Variants in PCDH15 observed in about 807,000 individuals in gnomAD.
PCDH15 encodes the protein protocadherin-15.
In PCDH15, 129 loss-of-function variants were observed where a neutral mutation model predicts 178.5. The ratio of observed to expected loss-of-function variants is 0.72; its 90% CI spans 0.63 to 0.84. The LOEUF (loss-of-function observed/expected upper bound fraction) is 0.84, where lower values mean the gene tolerates loss of function less well. Ranked by LOEUF, PCDH15 falls within the 40% of genes least tolerant of loss-of-function variation. The pLI is 0.00. For missense variants in PCDH15, 2,230 were observed against 2,099.9 expected, an observed-to-expected ratio of 1.06 and a Z score of -1.21; for synonymous variants, 800 against 732.0, an observed-to-expected ratio of 1.09 and a Z score of -1.50.
intron 2 of PCDH15, among the ~76,000 whole-genome samples, chr10:54,919,204 T>C (rs1009389922): frequency 2.0e-5 from 3 of 152,146 alleles, no homozygotes; most frequent in Admixed American, 6.6e-5. Context: ...CCTGAACTTA[T>C]TAGCTTCAAT....
chr10:55,445,853 T>G (rs553268735), intron 2 of PCDH15, among the ~76,000 whole-genome samples: 3 of 152,110 alleles, frequency 2.0e-5, no homozygotes, highest in East Asian at 3.9e-4. Flanking sequence ...CTACCCCTCC[T>G]GTACCTTAAG....
intron 3 of PCDH15, among the ~76,000 whole-genome samples, chr10:54,479,394 T>C (rs112197997): frequency 3.6e-4 from 55 of 152,160 alleles, no homozygotes; most frequent in African/African-American, 8.7e-4. Flanking sequence ...GTGTAACATA[T>C]TGAATACGTA....
chr10:53,970,714 A>T (rs1284918128), intron 21 of PCDH15, among the ~76,000 whole-genome samples: 1 of 152,150 alleles, frequency 6.6e-6, no homozygotes, highest in Non-Finnish European at 1.5e-5. Flanking sequence ...TCCTGGACAC[A>T]TACACCCTCC....
intron 26 of PCDH15, among the ~76,000 whole-genome samples, chr10:53,877,756 C>A (rs7073786): frequency 0.96 from 146,409 of 152,150 alleles, 70,476 homozygotes; most frequent in East Asian, 1. Context: ...CATCCTCCCC[C>A]TCGGTTTAAT....
At chr10:55,331,800 T>C (rs1183630337) in intron 2 of PCDH15, among the ~76,000 whole-genome samples, 1 of 152,078 alleles carries the variant, frequency 6.6e-6, no homozygotes. Context: ...AAAAGCATTA[T>C]TAACGGGTAA....
chr10:55,093,847 A>C (rs1320981702), intron 2 of PCDH15, among the ~76,000 whole-genome samples: 1 of 152,138 alleles, frequency 6.6e-6, no homozygotes, highest in African/African-American at 2.4e-5. Flanking sequence ...ATGAGATACC[A>C]TCTCACACCA....
In PCDH15 at chr10:55,199,712, C is replaced by T. The variant is rs566842283; in HGVS notation, c.-155-33061G>A. Among the ~76,000 whole-genome samples, 11 of 152,136 alleles carry T rather than the reference C, an allele frequency of 7.2e-5. No homozygotes were observed. The South Asian group carries it at 1.2e-3, about 17-fold the overall frequency. On this transcript the variant is annotated intron_variant, in intron 1 of 5. Transcript: ENST00000458638. ...AGAGAAAATGGTTTCATGGTCCAGG[C>T]CCAGGGACTTGCTGCTCTTTGCAGC...
intron 15 of PCDH15, among the ~76,000 whole-genome samples, chr10:54,108,413 T>A (rs1159647639): frequency 6.6e-6 from 1 of 152,192 alleles, no homozygotes; most frequent in Non-Finnish European, 1.5e-5. Flanking sequence ...TGAATTCAGC[T>A]GATGCCGGCT....
chr10:54,327,409 AC>A (rs1310475814), intron 7 of PCDH15, among the ~76,000 whole-genome samples: 4 of 150,258 alleles, frequency 2.7e-5, no homozygotes, highest in African/African-American at 9.7e-5. Flanking sequence ...ACACATACAG[AC>A]ACACACATAA....
chr10:55,378,978 T>A (rs1245864325), intron 2 of PCDH15, among the ~76,000 whole-genome samples: 6 of 151,810 alleles, frequency 4.0e-5, no homozygotes, highest in Admixed American at 3.9e-4. Context: ...CGTATCATAG[T>A]CCATACAACC....
intron 2 of PCDH15, among the ~76,000 whole-genome samples, chr10:55,434,495 G>A (rs569225296): frequency 6.6e-6 from 1 of 152,120 alleles, no homozygotes; most frequent in Non-Finnish European, 1.5e-5. Context: ...GGTTAAAATA[G>A]AGATGTTTAA....
chr10:55,449,218 G>T (rs1320919557), intron 2 of PCDH15, among the ~76,000 whole-genome samples: 1 of 151,970 alleles, frequency 6.6e-6, no homozygotes, highest in Non-Finnish European at 1.5e-5. Flanking sequence ...TCCAAAGCTT[G>T]GCTTGCTGCC....
chr10:54,388,982 G>T (rs1277165858), intron 3 of PCDH15, among the ~76,000 whole-genome samples: 1 of 152,116 alleles, frequency 6.6e-6, no homozygotes, highest in Non-Finnish European at 1.5e-5. Flanking sequence ...AGCAACAGAA[G>T]TAACCAGATT....
In PCDH15 at chr10:55,070,709, G is replaced by A. The variant is rs1306803207; in HGVS notation, c.-80+95867C>T. On this transcript the variant is annotated intron_variant, in intron 2 of 5. Transcript: ENST00000458638. ...GTAGTATAGTTTGAAGTCAGGTAGCGTGATGCCTTCAGCTTTGTTCTTTTG... is the reference window on the plus strand; with the variant it reads ...GTAGTATAGTTTGAAGTCAGGTAGCATGATGCCTTCAGCTTTGTTCTTTTG... Among the ~76,000 whole-genome samples, 47 of 152,232 alleles carry A rather than the reference G, an allele frequency of 3.1e-4. No individual in the cohort carries two copies. In the South Asian group the frequency reaches 5.0e-3, roughly 16 times the overall value.
rs370494923 is a variant in PCDH15, at chr10:55,250,625, C to G, written c.-156+68974G>C. ...GATCTCGGCTCACTGCAACCTTCAC[C>G]TCCCGGGTTCAAGCAATTCTCCTGC... On this transcript the variant is annotated intron_variant, in intron 1 of 5. Coordinates refer to the PCDH15 transcript ENST00000458638. 4.7e-5 allele frequency among the ~76,000 whole-genome samples: 7 copies of G among 148,422 alleles called. No individual in the cohort carries two copies. The East Asian group carries it at 8.1e-4, about 17-fold the overall frequency.
chr10:55,442,717 TTAATGA>T (rs1352332194), intron 2 of PCDH15, among the ~76,000 whole-genome samples: 1 of 151,638 alleles, frequency 6.6e-6, no homozygotes, highest in Non-Finnish European at 1.5e-5. Context: ...ACTGCAAATG[TTAATGA>T]TAAACTAGAT....
intron 3 of PCDH15, among the ~76,000 whole-genome samples, chr10:54,474,299 C>G (rs954120571): frequency 2.0e-5 from 3 of 151,758 alleles, no homozygotes; most frequent in Non-Finnish European, 4.4e-5. Context: ...TCAAATCAAT[C>G]CTTGTTTTAC....
intron 8 of PCDH15, among the ~76,000 whole-genome samples, chr10:54,302,748 C>T (rs1394461549): frequency 6.6e-6 from 1 of 152,156 alleles, no homozygotes; most frequent in African/African-American, 2.4e-5. Flanking sequence ...TTACCTAACA[C>T]ATAATAGGTA....
chr10:54,393,368 T>A (rs1950790705), intron 3 of PCDH15, among the ~76,000 whole-genome samples: 1 of 152,198 alleles, frequency 6.6e-6, no homozygotes, highest in Admixed American at 6.5e-5. Flanking sequence ...TACAGATCTA[T>A]CAACAGGAGA....
Sources: allele counts gnomAD v4.1 joint callset (sites outside exome capture counted in the v4.1 genomes callset), GRCh38; gene constraint gnomAD v4.1.1; transcripts MANE v1.5; gene names NCBI Gene and HGNC (gene_info 2026-07-23, HGNC 2026-07-21).